The following CACNA2D1 variants were observed in gnomAD, a reference collection of about 807,000 sequenced individuals.
CACNA2D1 encodes voltage-dependent calcium channel subunit alpha-2/delta-1.
In CACNA2D1, 53 loss-of-function variants were observed where a neutral mutation model predicts 171.5. The observed-to-expected ratio is 0.31, with a 90% CI of 0.25 to 0.39. CACNA2D1 has a LOEUF of 0.39. Ranked by LOEUF, CACNA2D1 falls within the 10% of genes least tolerant of loss-of-function variation. The probability of loss-of-function intolerance (pLI) is 1.00; values close to 1 mark genes in which losing one functional copy is unlikely to be tolerated. For synonymous variants in CACNA2D1, 442 were observed against 443.1 expected, an observed-to-expected ratio of 1.00 and a Z score of 0.03; for missense variants, 903 against 1,299.8, an observed-to-expected ratio of 0.69 and a Z score of 4.69.
chr7:82,041,860 A>T (rs1484219963), intron 10 of CACNA2D1, among the ~76,000 whole-genome samples: 1 of 152,208 alleles, frequency 6.6e-6, no homozygotes, highest in East Asian at 1.9e-4. Flanking sequence ...AAATGGTTAC[A>T]GGAAATATTA....
intron 3 of CACNA2D1, among the ~76,000 whole-genome samples, chr7:82,238,924 C>T (rs1412617958): frequency 6.6e-6 from 1 of 151,950 alleles, no homozygotes; most frequent in African/African-American, 2.4e-5. Flanking sequence ...AAACTAATCA[C>T]AATATCTGAC....
At chr7:82,278,445 C>G (rs1809637477) in intron 3 of CACNA2D1, among the ~76,000 whole-genome samples, 1 of 151,354 alleles carries the variant, frequency 6.6e-6, no homozygotes, top group Admixed American at 6.6e-5. Context: ...TGGATCTCAG[C>G]TACTCAGGAG....
intron 6 of CACNA2D1, among the ~76,000 whole-genome samples, chr7:82,104,985 G>T (rs2129040889): frequency 6.6e-6 from 1 of 152,050 alleles, no homozygotes; most frequent in Admixed American, 6.5e-5. Flanking sequence ...AATTATACTT[G>T]AAATTGATGA....
At chr7:82,257,757 G>A (rs574260966) in intron 3 of CACNA2D1, among the ~76,000 whole-genome samples, 1 of 152,112 alleles carries the variant, frequency 6.6e-6, no homozygotes, top group Non-Finnish European at 1.5e-5. Flanking sequence ...AAAAATACTG[G>A]TGTAAGAAAT....
intron 1 of CACNA2D1, among the ~76,000 whole-genome samples, chr7:82,397,954 C>G (rs573771749): frequency 6.6e-6 from 1 of 152,112 alleles, no homozygotes; most frequent in African/African-American, 2.4e-5. Flanking sequence ...GGCCAACACC[C>G]AACAGTCATG....
chr7:82,091,232 ATC>A (rs1811116067), intron 6 of CACNA2D1, among the ~76,000 whole-genome samples: 1 of 152,190 alleles, frequency 6.6e-6, no homozygotes, highest in Non-Finnish European at 1.5e-5. Flanking sequence ...ACCAAATCTA[ATC>A]TCTCTAATCA....
chr7:82,035,333 A>T (rs2131176622), intron 11 of CACNA2D1, among the ~76,000 whole-genome samples: 1 of 135,166 alleles, frequency 7.4e-6, no homozygotes, highest in South Asian at 2.7e-4. Context: ...TTAAAGGTAA[A>T]TGCTGCGAGG....
At chr7:82,232,993 A>G (rs1803140425) in intron 3 of CACNA2D1, among the ~76,000 whole-genome samples, 1 of 151,948 alleles carries the variant, frequency 6.6e-6, no homozygotes, top group South Asian at 2.1e-4. Context: ...AATTACACAG[A>G]TACTCCAGGA....
chr7:82,360,272 A>T (rs2129447097), intron 1 of CACNA2D1, among the ~76,000 whole-genome samples: 1 of 152,324 alleles, frequency 6.6e-6, no homozygotes, highest in Non-Finnish European at 1.5e-5. Context: ...CATTTGCAGA[A>T]GTCTTTCTTT....
At chr7:82,090,074 A>C (rs955441887) in intron 6 of CACNA2D1, among the ~76,000 whole-genome samples, 4 of 152,184 alleles carry the variant, frequency 2.6e-5, no homozygotes, top group African/African-American at 9.7e-5. Context: ...AATCATCAAA[A>C]TCAAGTTAAT....
intron 6 of CACNA2D1, among the ~76,000 whole-genome samples, chr7:82,113,809 G>A (rs1287798721): frequency 6.6e-6 from 1 of 152,082 alleles, no homozygotes; most frequent in South Asian, 2.1e-4. Flanking sequence ...TTTCATTCCT[G>A]TCATTTATTC....
intron 4 of CACNA2D1, among the ~76,000 whole-genome samples, chr7:82,167,697 G>C (rs555620066): frequency 6.6e-6 from 1 of 152,054 alleles, no homozygotes; most frequent in Non-Finnish European, 1.5e-5. Flanking sequence ...CATCATTCAC[G>C]GTCCTTCAGG....
chr7:82,138,528 G>A (rs1791982010), intron 4 of CACNA2D1, among the ~76,000 whole-genome samples: 1 of 146,254 alleles, frequency 6.8e-6, no homozygotes, highest in African/African-American at 2.5e-5. Context: ...CTCACTGCAA[G>A]CTCCACCTCC....
At chr7:82,281,284 C>A (rs1810064559) in intron 3 of CACNA2D1, among the ~76,000 whole-genome samples, 1 of 152,180 alleles carries the variant, frequency 6.6e-6, no homozygotes, top group Non-Finnish European at 1.5e-5. Flanking sequence ...CATGTGTTAA[C>A]CAACGGAATC....
At chr7:82,397,829 G>A (rs1456568968) in intron 1 of CACNA2D1, among the ~76,000 whole-genome samples, 2 of 152,124 alleles carry the variant, frequency 1.3e-5, no homozygotes, top group African/African-American at 4.8e-5. Flanking sequence ...CCGTAGCAGA[G>A]TCAACATTCA....
intron 12 of CACNA2D1, among the ~76,000 whole-genome samples, chr7:82,017,050 C>T (rs778466924): frequency 1.2e-4 from 18 of 152,032 alleles, no homozygotes; most frequent in Admixed American, 2.6e-4. Flanking sequence ...ACAATATTTA[C>T]GCAATCTAAT....
chr7:82,123,498 TA>T (rs1424965361), intron 5 of CACNA2D1, among the ~76,000 whole-genome samples: 8 of 152,216 alleles, frequency 5.3e-5, no homozygotes, highest in African/African-American at 1.7e-4. Flanking sequence ...TGGATAGATG[TA>T]ATAAATTCAA....
chr7:82,314,549 GCTAA>G (rs1207038940), intron 3 of CACNA2D1, among the ~76,000 whole-genome samples: 3 of 152,108 alleles, frequency 2.0e-5, no homozygotes, highest in South Asian at 2.1e-4. Flanking sequence ...AGTGAGGTGT[GCTAA>G]CTATTAGTAA....
intron 4 of CACNA2D1, among the ~76,000 whole-genome samples, chr7:82,138,472 A>C (rs1321953265): frequency 1.6e-5 from 2 of 127,678 alleles, no homozygotes; most frequent in East Asian, 5.0e-4. Flanking sequence ...TTTGAGACAG[A>C]GTGTCGCTGT....
Sources: gnomAD v4.1 joint callset for allele counts (sites outside exome capture counted in the v4.1 genomes callset) on GRCh38, gnomAD v4.1.1 for gene constraint, MANE v1.5 for transcripts, NCBI Gene and HGNC (gene_info 2026-07-23, HGNC 2026-07-21) for gene names.